Variants in MROH2A observed in about 807,000 individuals in gnomAD.
MROH2A encodes the protein maestro heat like repeat family member 2A.
Under a neutral mutation model 200.4 loss-of-function variants are expected in MROH2A, and 174 were observed. The observed-to-expected ratio is 0.87, with a 90% confidence interval of 0.77 to 0.98. MROH2A has a LOEUF of 0.98. MROH2A is among the 50% of genes least tolerant of loss of function. The pLI, the probability that MROH2A is intolerant of heterozygous loss-of-function variation, is 0.00. For synonymous variants in MROH2A, 829 were observed against 840.4 expected (o/e 0.99, Z 0.23); for missense variants, 2,045 against 2,139.6 (o/e 0.96, Z 0.87).
At position 233,794,519 on chromosome 2, in the gene MROH2A, G is replaced by A. The variant is rs1381069220; in HGVS notation, c.966+13G>A. On this transcript the variant is annotated intron_variant, in intron 8 of 41. Coordinates refer to ENST00000389758, the MANE Select transcript of MROH2A (RefSeq NM_001394639.1). ...CTTCGTCACGCAGGCGAGTGGCCAG[G>A]CAGCCACGGCTCTGGGCAGGAGGCT... is the stretch of plus-strand genomic sequence containing the variant. The A allele has an allele frequency of 1.4e-6, 2 of 1,400,610 alleles. No homozygotes were observed. Among genetic ancestry groups the A allele is most frequent in the East Asian group, 2.5e-5 (1 of 40,222 alleles). 86.8% of individuals were successfully genotyped at this position (1,400,610 alleles called of 1,614,324 possible).
At chr2:233,829,909 G>A in intron 38 of MROH2A, 134 bp downstream of exon 38, 2 of 806,532 alleles carry the variant, frequency 2.5e-6, no homozygotes, top group Non-Finnish European at 3.4e-6. Context: ...GATCCCAGAG[G>A]CCACAGCCTG....
At position 233,810,051 on chromosome 2, in the gene MROH2A, G is replaced by C. The variant is rs558115721; in HGVS notation, c.2449-743G>C. Among the ~76,000 whole-genome samples, 22 of 152,228 alleles carry C rather than the reference G, an allele frequency of 1.4e-4. No individual in the cohort carries two copies. In the South Asian group the frequency reaches 4.4e-3, roughly 30 times the overall value. On this transcript the variant is annotated intron_variant, in intron 22 of 41. Coordinates refer to ENST00000389758, the MANE Select transcript of MROH2A (RefSeq NM_001394639.1). ...ATTTCATTTATCATAATGTTCTCAA[G>C]GTTCATCCATGTAAAAGCAATCATT...
chr2:233,792,437 C>G (rs561457332), intron 5 of MROH2A, among the ~76,000 whole-genome samples: 64 of 152,106 alleles, frequency 4.2e-4, no homozygotes, highest in African/African-American at 1.4e-3. Flanking sequence ...CTCTGCCTCC[C>G]GAGTGGTTGA....
intron 5 of MROH2A, among the ~76,000 whole-genome samples, chr2:233,790,470 CT>C (rs1701659409): frequency 4.9e-5 from 1 of 20,410 alleles, no homozygotes; most frequent in African/African-American, 5.5e-4. Flanking sequence ...TCCTCCCTCC[CT>C]CCTTCCTTCC....
intron 18 of MROH2A, 114 bp from the exon 19 acceptor site, chr2:233,804,890 G>C: frequency 1.6e-6 from 1 of 620,726 alleles, no homozygotes; most frequent in African/African-American, 1.8e-5. Flanking sequence ...ATGTGGGCAA[G>C]GGAAGCGAGA....
chr2:233,832,718 C>T, intron 41 of MROH2A, 74 bp downstream of exon 41: 1 of 834,926 alleles, frequency 1.2e-6, no homozygotes, highest in Non-Finnish European at 1.9e-6. Context: ...GAAACTGCTT[C>T]AAGGGAAGAG....
intron 38 of MROH2A, among the ~76,000 whole-genome samples, chr2:233,830,027 T>A (rs1344879312): frequency 6.6e-6 from 1 of 152,002 alleles, no homozygotes; most frequent in Non-Finnish European, 1.5e-5. Flanking sequence ...GGGGACATGG[T>A]GTGGTGGCTG....
At chr2:233,778,018 C>T (rs1053541642), upstream of MROH2A, among the ~76,000 whole-genome samples, 2 of 152,188 alleles carry the variant, frequency 1.3e-5, no homozygotes, top group African/African-American at 4.8e-5. Context: ...CTCCTCTCCT[C>T]TCCAACTGTC....
At chr2:233,832,060 TG>T in intron 39 of MROH2A, 116 bp from the exon 40 acceptor site, 1 of 782,770 alleles carries the variant, frequency 1.3e-6, no homozygotes, top group Non-Finnish European at 2.1e-6. Context: ...TGTGTGACGC[TG>T]GGATGGGCGC....
At chr2:233,786,577 T>G (rs138395936) in intron 3 of MROH2A, among the ~76,000 whole-genome samples, 2 of 152,352 alleles carry the variant, frequency 1.3e-5, no homozygotes, top group African/African-American at 4.8e-5. Context: ...TTAGGGTACA[T>G]TATTCAATCT....
chr2:233,795,906 G>A, intron 9 of MROH2A, 61 bp from the exon 10 acceptor site: 1 of 1,534,352 alleles, frequency 6.5e-7, no homozygotes, highest in Non-Finnish European at 8.8e-7. Flanking sequence ...TGGTCAGCTG[G>A]GCTGCCCCTG....
intron 3 of MROH2A, among the ~76,000 whole-genome samples, chr2:233,784,590 C>A (rs772636596): frequency 9.2e-5 from 14 of 152,054 alleles, no homozygotes; most frequent in Non-Finnish European, 1.5e-4. Context: ...TGTCTTGGTG[C>A]CCTCCCTGTG....
rs2124933825 is a variant in MROH2A at position 233,831,491 on chromosome 2, C to T, written c.4685C>T (p.Ala1562Val). 6.4e-7 allele frequency: 1 copy of T among 1,550,514 alleles called. No individual in the cohort carries two copies. Among genetic ancestry groups the T allele is most frequent in the Non-Finnish European group, 8.7e-7 (1 of 1,146,966 alleles). The stretch of plus-strand genomic sequence containing the variant: ...CATCCCTCAGGGCCAAGTGATACCG[C>T]TACTGATGACAAGATGACCGTTTTC... ...LEHPSGPSDT[A>V]TDDKMTVFQT... The change falls in exon 39 of 42, where the codon GCT (alanine) becomes GTT (valine). Residue 1562 changes from alanine to valine, a missense_variant. Physicochemically the swap from Ala to Val is moderately conservative, Grantham distance 64. This residue lies in a region of MROH2A where 1,201 missense variants were observed against 1,311.3 expected (regional missense o/e 0.92). Coordinates refer to ENST00000389758, the MANE Select transcript of MROH2A (RefSeq NM_001394639.1).
chr2:233,803,532 G>A, intron 16 of MROH2A, 44 bp downstream of exon 16: 1 of 1,546,846 alleles, frequency 6.5e-7, no homozygotes, highest in Non-Finnish European at 8.7e-7. Flanking sequence ...GCAAGGCCAT[G>A]CCCTGTGGCA....
chr2:233,816,058 C>A (rs189692848), intron 26 of MROH2A, among the ~76,000 whole-genome samples: 1 of 152,036 alleles, frequency 6.6e-6, no homozygotes, highest in Non-Finnish European at 1.5e-5. Flanking sequence ...ACTTAAATTC[C>A]GTATTTTAAA....
At chr2:233,822,838 C>T (rs746368526) in intron 33 of MROH2A, 43 bp from the exon 34 acceptor site, 15 of 1,544,794 alleles carry the variant, frequency 9.7e-6, no homozygotes, top group South Asian at 2.4e-5. Context: ...AGGCCATGCG[C>T]TCCCAGCAGG....
At chr2:233,823,691 G>A (rs1249283200) in intron 35 of MROH2A, 27 bp downstream of exon 35, 14 of 1,545,610 alleles carry the variant, frequency 9.1e-6, no homozygotes, top group African/African-American at 5.5e-5. Context: ...GGGTGTGGGC[G>A]GGGTGCAAGC....
chr2:233,812,205 G>A (rs28946898), intron 24 of MROH2A, among the ~76,000 whole-genome samples: 12,100 of 152,162 alleles, frequency 0.08, 881 homozygotes, highest in African/African-American at 0.19. Flanking sequence ...TGGCACATGG[G>A]TGGGCTGCTC....
Position 233,820,056 on chromosome 2 carries a change from G to T in MROH2A, c.3512G>T (p.Ser1171Ile), listed in dbSNP as rs560317359. The change falls in exon 31 of 42, where the codon AGC becomes ATC. Residue 1171 changes from serine to isoleucine, a missense_variant and splice_region_variant. By Grantham distance (142) the Ser-to-Ile change is moderately radical (BLOSUM62 -2). Coordinates refer to ENST00000389758, the MANE Select transcript of MROH2A (RefSeq NM_001394639.1). The surrounding 1 kb of genome is among the most constrained non-coding windows in gnomAD (Gnocchi z 4.1). ...SLLRQPLPME[S>I]HLAEVWLAVS... ...CTGAGGCAGCCACTGCCCATGGAGAGGTGGGTGCCCTGGAGGAGGTGGCCC... is the reference window on the plus strand; with the variant it reads ...CTGAGGCAGCCACTGCCCATGGAGATGTGGGTGCCCTGGAGGAGGTGGCCC... 212 of 1,513,238 alleles carry T rather than the reference G, an allele frequency of 1.4e-4. 2 individuals are homozygous for T. In the East Asian group the frequency reaches 5.2e-3, roughly 37 times the overall value. The allele number at this position is 1,513,238 out of a possible 1,614,324, so 93.7% of individuals were successfully genotyped here. A position where few individuals can be genotyped will look rare whatever the true frequency, so the allele number is the denominator to read the frequency against.
Sources: gnomAD v4.1 joint callset for allele counts (sites outside exome capture counted in the v4.1 genomes callset) on GRCh38, gnomAD v4.1.1 for gene constraint, gnomAD v4.1.1 regional missense constraint, Gnocchi (gnomAD v3.1) non-coding constraint, MANE v1.5 for transcripts, NCBI Gene and HGNC (gene_info 2026-07-23, HGNC 2026-07-21) for gene names.